KCNC2: variants seen among roughly 807,000 people sequenced by gnomAD.
KCNC2 encodes potassium voltage-gated channel subfamily C member 2, also known as voltage-gated potassium channel KCNC2.
A neutral mutation model predicts 44.5 loss-of-function variants in KCNC2; 21 were observed. That is an observed-to-expected ratio of 0.47 (90% CI 0.33 to 0.68). The LOEUF is 0.68. Among genes scored for constraint, KCNC2 ranks in the 30% least tolerant of loss-of-function variants. The pLI, the probability that KCNC2 is intolerant of heterozygous loss-of-function variation, is 0.01. For missense variants in KCNC2, 589 were observed against 826.2 expected, an observed-to-expected ratio of 0.71 and a Z score of 3.52; for synonymous variants, 391 against 339.1, an observed-to-expected ratio of 1.15 and a Z score of -1.68.
intron 2 of KCNC2, among the ~76,000 whole-genome samples, chr12:75,206,885 C>G (rs1253323973): frequency 6.6e-6 from 1 of 152,146 alleles, no homozygotes; most frequent in Non-Finnish European, 1.5e-5. Context: ...GGGGGCCTCA[C>G]TGAAAATGTC....
At chr12:75,141,843 A>G (rs531007349) in intron 2 of KCNC2, among the ~76,000 whole-genome samples, 2 of 152,308 alleles carry the variant, frequency 1.3e-5, no homozygotes, top group African/African-American at 4.8e-5. Flanking sequence ...CATTCAAACA[A>G]TAAACAATAG....
intron 2 of KCNC2, among the ~76,000 whole-genome samples, chr12:75,076,006 A>G (rs1415141995): frequency 6.6e-6 from 1 of 151,592 alleles, no homozygotes; most frequent in African/African-American, 2.4e-5. Context: ...TGTTGTATAC[A>G]TATCTTGGCT....
intron 2 of KCNC2, among the ~76,000 whole-genome samples, chr12:75,159,499 G>A (rs1253813269): frequency 6.6e-6 from 1 of 151,726 alleles, no homozygotes; most frequent in Non-Finnish European, 1.5e-5. Flanking sequence ...GATTATATCA[G>A]TAAATAATTA....
At chr12:75,155,833 A>C (rs772121588) in intron 2 of KCNC2, among the ~76,000 whole-genome samples, 7 of 151,794 alleles carry the variant, frequency 4.6e-5, no homozygotes, top group Non-Finnish European at 7.4e-5. Flanking sequence ...ACAGTTTATC[A>C]GTTTGTCTCA....
intron 2 of KCNC2, among the ~76,000 whole-genome samples, chr12:75,117,611 G>A (rs972411681): frequency 5.9e-5 from 9 of 152,114 alleles, no homozygotes; most frequent in Non-Finnish European, 8.8e-5. Context: ...ATACATAAGA[G>A]CAAACTCAAA....
chr12:75,131,809 T>C (rs1888864890), intron 2 of KCNC2, among the ~76,000 whole-genome samples: 1 of 152,062 alleles, frequency 6.6e-6, no homozygotes, highest in African/African-American at 2.4e-5. Flanking sequence ...AGCTTCACGG[T>C]AGAATCTCTC....
chr12:75,054,852 T>C lies in KCNC2; in HGVS notation c.688-3535A>G, dbSNP rs1881571781. Among the ~76,000 whole-genome samples, 3 of 152,314 alleles carry C rather than the reference T, an allele frequency of 2.0e-5. No homozygotes were observed. In the South Asian group the frequency reaches 6.2e-4, roughly 32 times the overall value. Reference sequence around the variant, plus strand: ...AGTATCAAATGAATGGGTGACCCAGTGGCTTTGAGGACTCAGAATTATCCA... The same window carrying C: ...AGTATCAAATGAATGGGTGACCCAGCGGCTTTGAGGACTCAGAATTATCCA... On this transcript the variant is annotated intron_variant, in intron 2 of 4. Coordinates refer to ENST00000549446, the MANE Select transcript of KCNC2 (RefSeq NM_139137.4).
At chr12:75,191,517 TA>T (rs1470584987) in intron 2 of KCNC2, among the ~76,000 whole-genome samples, 2 of 65,128 alleles carry the variant, frequency 3.1e-5, no homozygotes, top group African/African-American at 1.1e-4. Flanking sequence ...TTATTATTAT[TA>T]TTATTATTAT....
chr12:75,042,153 G>T lies in KCNC2; in HGVS notation c.*952C>A. The T allele has an allele frequency of 7.9e-7, 1 of 1,271,570 alleles. No homozygotes were observed. Among genetic ancestry groups the T allele is most frequent in the Non-Finnish European group, 1.0e-6 (1 of 1,004,012 alleles). 78.8% of individuals were successfully genotyped at this position (1,271,570 alleles called of 1,614,324 possible). A position where few individuals can be genotyped will look rare whatever the true frequency, so the allele number is the denominator to read the frequency against. On this transcript the variant is annotated 3_prime_UTR_variant, in exon 5 of 5. Coordinates refer to ENST00000549446, the MANE Select transcript of KCNC2 (RefSeq NM_139137.4). ...AAGGGGGTAAAAAAAAGACACAAGA[G>T]CTTTGGGTGATATTTGGCACTCTGC... is the stretch of plus-strand genomic sequence containing the variant.
chr12:75,090,808 T>C (rs1251182098), intron 2 of KCNC2, among the ~76,000 whole-genome samples: 1 of 151,652 alleles, frequency 6.6e-6, no homozygotes, highest in Non-Finnish European at 1.5e-5. Context: ...ATCATCATCA[T>C]CATTTGACTC....
At chr12:75,201,298 AC>A (rs138760320) in intron 2 of KCNC2, among the ~76,000 whole-genome samples, 474 of 46,592 alleles carry the variant, frequency 0.01, 143 homozygotes, top group African/African-American at 0.029. Flanking sequence ...AAAAAAAAAA[AC>A]CAGATTCTGG....
At chr12:75,103,265 G>C (rs1267273874) in intron 2 of KCNC2, among the ~76,000 whole-genome samples, 2 of 152,116 alleles carry the variant, frequency 1.3e-5, no homozygotes. Flanking sequence ...CCACTATTAT[G>C]GTTCCCAATT....
chr12:75,130,429 A>G (rs1888752898), intron 2 of KCNC2, among the ~76,000 whole-genome samples: 1 of 152,182 alleles, frequency 6.6e-6, no homozygotes. Flanking sequence ...GGCCTAAACT[A>G]CATAACACAA....
At chr12:75,118,365 A>G (rs1245359317) in intron 2 of KCNC2, among the ~76,000 whole-genome samples, 2 of 152,148 alleles carry the variant, frequency 1.3e-5, no homozygotes, top group Admixed American at 1.3e-4. Context: ...ATAAATTTAA[A>G]TAACTTCAGA....
chr12:75,187,241 A>T (rs187528118), intron 2 of KCNC2, among the ~76,000 whole-genome samples: 74 of 152,332 alleles, frequency 4.9e-4, no homozygotes, highest in African/African-American at 1.8e-3. Context: ...CTCAGTACCC[A>T]AATGCAATTT....
chr12:75,159,754 G>C (rs930490150), intron 2 of KCNC2, among the ~76,000 whole-genome samples: 1 of 151,760 alleles, frequency 6.6e-6, no homozygotes, highest in Non-Finnish European at 1.5e-5. Context: ...GGAGTTTTTT[G>C]TAACTACATA....
At chr12:75,150,267 T>C (rs1890298319) in intron 2 of KCNC2, among the ~76,000 whole-genome samples, 1 of 151,882 alleles carries the variant, frequency 6.6e-6, no homozygotes, top group Non-Finnish European at 1.5e-5. Flanking sequence ...ACAGTTTACT[T>C]TTCACTACAC....
rs543628892 is a variant in KCNC2, at chr12:75,041,544, G to A, written c.*1561C>T. The A allele has an allele frequency of 8.0e-5, 89 of 1,113,992 alleles. No individual in the cohort carries two copies. Among genetic ancestry groups the A allele is most frequent in the Non-Finnish European group, 9.0e-5 (81 of 904,298 alleles). The allele number at this position is 1,113,992 out of a possible 1,614,324, so 69.0% of individuals were successfully genotyped here. On this transcript the variant is annotated 3_prime_UTR_variant, in exon 5 of 5. Transcript: ENST00000549446. ...TTATTTATCCCTCTATTTATATTAC[G>A]GTCTTTTTCTTCCCTCACATGCTCA...
At chr12:75,141,448 A>T (rs1235533921) in intron 2 of KCNC2, among the ~76,000 whole-genome samples, 1 of 152,210 alleles carries the variant, frequency 6.6e-6, no homozygotes, top group East Asian at 1.9e-4. Context: ...GATAGTAATT[A>T]TTTGACACTT....
Sources: allele counts gnomAD v4.1 joint callset (sites outside exome capture counted in the v4.1 genomes callset), GRCh38; gene constraint gnomAD v4.1.1; transcripts MANE v1.5; gene names NCBI Gene and HGNC (gene_info 2026-07-23, HGNC 2026-07-21).